Variants in FMN2 observed in about 807,000 individuals in gnomAD.
The protein encoded by FMN2 is formin-2.
A neutral mutation model predicts 142.3 loss-of-function variants in FMN2; 51 were observed. The ratio of observed to expected loss-of-function variants is 0.36; its 90% confidence interval spans 0.29 to 0.45. FMN2 has a LOEUF of 0.45. Among genes scored for constraint, FMN2 ranks in the 20% least tolerant of loss-of-function variants. The pLI, the probability that FMN2 is intolerant of heterozygous loss-of-function variation, is 1.00. For synonymous variants in FMN2, 882 were observed against 869.8 expected (o/e 1.01, Z -0.25); for missense variants, 1,936 against 2,122.8 (o/e 0.91, Z 1.73).
intron 8 of FMN2, among the ~76,000 whole-genome samples, chr1:240,320,613 G>A (rs191657544): frequency 6.6e-6 from 1 of 152,198 alleles, no homozygotes; most frequent in Non-Finnish European, 1.5e-5. Flanking sequence ...CTTTAAAGAT[G>A]TGATGACCAA....
At chr1:240,317,077 C>T (rs143641053) in intron 8 of FMN2, among the ~76,000 whole-genome samples, 322 of 152,154 alleles carry the variant, frequency 2.1e-3, no homozygotes, top group Non-Finnish European at 3.9e-3. Flanking sequence ...GAGGCTGAGG[C>T]GGGCTGATCA....
At chr1:240,318,870 A>G (rs1466916412) in intron 8 of FMN2, among the ~76,000 whole-genome samples, 1 of 152,116 alleles carries the variant, frequency 6.6e-6, no homozygotes, top group Non-Finnish European at 1.5e-5. Context: ...ATATGAGTAG[A>G]TGTTTAGGAT....
Position 240,093,057 on chromosome 1 carries a change from C to T in FMN2, c.948C>T (p.Asp316=). ...SLPAAQPAAK[D]SPSSTAFPFP... is the part of the protein sequence containing the mutation. The stretch of plus-strand genomic sequence containing the variant: ...CGGCAGCGCAACCCGCGGCCAAAGA[C>T]TCGCCCTCCTCCACGGCTTTCCCAT... Residue 316 remains aspartate, a synonymous_variant, in exon 1 of 18, where the codon GAC becomes GAT. Transcript: ENST00000319653. 1 of 1,393,764 alleles carries T rather than the reference C, an allele frequency of 7.2e-7. No individual in the cohort carries two copies. The highest frequency in any genetic ancestry group is 1.6e-5 in the South Asian group (1 of 61,614). 86.3% of individuals were successfully genotyped at this position (1,393,764 alleles called of 1,614,324 possible).
At chr1:240,270,134 T>A (rs1229668024) in intron 7 of FMN2, among the ~76,000 whole-genome samples, 1 of 152,110 alleles carries the variant, frequency 6.6e-6, no homozygotes, top group Non-Finnish European at 1.5e-5. Context: ...GCTTTCAACT[T>A]TTCACCATTG....
chr1:240,152,556 G>A (rs1056665149), intron 2 of FMN2, among the ~76,000 whole-genome samples: 2 of 152,058 alleles, frequency 1.3e-5, no homozygotes, highest in Non-Finnish European at 2.9e-5. Flanking sequence ...TACATACCAC[G>A]CTCTCTTCTT....
chr1:240,229,411 A>T (rs544960538), intron 6 of FMN2, among the ~76,000 whole-genome samples: 5 of 152,148 alleles, frequency 3.3e-5, no homozygotes, highest in African/African-American at 1.2e-4. Flanking sequence ...TTCTCTTGGT[A>T]ATCAACATAC....
At chr1:240,136,583 T>C (rs1662949259) in intron 2 of FMN2, among the ~76,000 whole-genome samples, 1 of 152,156 alleles carries the variant, frequency 6.6e-6, no homozygotes. Flanking sequence ...CAAACAGTGT[T>C]GGGTGACTCA....
intron 16 of FMN2, among the ~76,000 whole-genome samples, chr1:240,449,507 T>C (rs1285911949): frequency 6.6e-6 from 1 of 152,198 alleles, no homozygotes; most frequent in African/African-American, 2.4e-5. Context: ...TATGGTACTT[T>C]CTAGTGAGCA....
chr1:240,179,448 T>G (rs945093448), intron 3 of FMN2: 3 of 152,154 alleles, frequency 2.0e-5, no homozygotes, highest in African/African-American at 7.2e-5. Context: ...GAAACACTGT[T>G]TGATATTCAC....
chr1:240,379,697 A>G (rs1309286589), intron 14 of FMN2, among the ~76,000 whole-genome samples: 1 of 152,114 alleles, frequency 6.6e-6, no homozygotes, highest in Non-Finnish European at 1.5e-5. Context: ...ACATTTTTCT[A>G]GTTAATTACA....
chr1:240,216,971 A>G (rs1666928313), intron 6 of FMN2, among the ~76,000 whole-genome samples: 1 of 152,116 alleles, frequency 6.6e-6, no homozygotes, highest in Admixed American at 6.5e-5. Context: ...AGTTATAAAA[A>G]TGTGTAATAA....
intron 15 of FMN2, among the ~76,000 whole-genome samples, chr1:240,436,936 A>C (rs1675394273): frequency 6.6e-6 from 1 of 152,158 alleles, no homozygotes; most frequent in South Asian, 2.1e-4. Context: ...AAGAAAGAAA[A>C]GACAAGCTTA....
At chr1:240,434,401 C>T (rs989866562) in intron 15 of FMN2, among the ~76,000 whole-genome samples, 2 of 151,894 alleles carry the variant, frequency 1.3e-5, no homozygotes, top group African/African-American at 2.4e-5. Flanking sequence ...GGGTCTCTTT[C>T]GTGTTATGCA....
chr1:240,437,953 G>A, intron 15 of FMN2, 108 bp from the exon 16 acceptor site: 4 of 1,361,804 alleles, frequency 2.9e-6, no homozygotes, highest in Non-Finnish European at 4.0e-6. Flanking sequence ...AGTCCTCTTG[G>A]TAATAATAAT....
chr1:240,328,125 G>A (rs1671235824), intron 8 of FMN2, among the ~76,000 whole-genome samples: 1 of 112,448 alleles, frequency 8.9e-6, no homozygotes, highest in Non-Finnish European at 1.8e-5. Flanking sequence ...TCCCACCTGG[G>A]TGACGGAGCA....
chr1:240,297,776 G>T (rs1670043472), intron 8 of FMN2, among the ~76,000 whole-genome samples: 1 of 152,046 alleles, frequency 6.6e-6, no homozygotes, highest in African/African-American at 2.4e-5. Context: ...TGCTATAATA[G>T]AATACCATAG....
chr1:240,295,979 G>T (rs898603291), intron 8 of FMN2, among the ~76,000 whole-genome samples: 3 of 152,100 alleles, frequency 2.0e-5, no homozygotes, highest in African/African-American at 7.2e-5. Flanking sequence ...GCTCACTGTG[G>T]TTTTGATTTG....
chr1:240,375,224 A>C (rs916310224), intron 14 of FMN2, among the ~76,000 whole-genome samples: 2 of 152,216 alleles, frequency 1.3e-5, no homozygotes, highest in African/African-American at 2.4e-5. Context: ...TCACCATAAC[A>C]GACAAGATAA....
Position 240,250,413 on chromosome 1 carries a change from C to A in FMN2, c.4066-7532C>A, listed in dbSNP as rs1369151807. Among the ~76,000 whole-genome samples, 3 of 152,092 alleles carry A rather than the reference C, an allele frequency of 2.0e-5. No individual in the cohort carries two copies. The East Asian group carries it at 5.8e-4, about 29-fold the overall frequency. ...ATTTATTGATTTGCATATGTACAAC[C>A]ATTTTTGCATCCCTGGGATAAATCC... On this transcript the variant is annotated intron_variant, in intron 6 of 17. Coordinates refer to ENST00000319653, the MANE Select transcript of FMN2 (RefSeq NM_020066.5).
Sources: allele counts gnomAD v4.1 joint callset (sites outside exome capture counted in the v4.1 genomes callset), GRCh38; gene constraint gnomAD v4.1.1; transcripts MANE v1.5; gene names NCBI Gene and HGNC (gene_info 2026-07-23, HGNC 2026-07-21).